The following ELP4 variants were observed in gnomAD, a reference collection of about 807,000 sequenced individuals.
ELP4 encodes the protein elongator acetyltransferase complex subunit 4.
Under a neutral mutation model 48.9 loss-of-function variants are expected in ELP4, and 51 were observed. The ratio of observed to expected loss-of-function variants is 1.04; its 90% CI spans 0.83 to 1.32. The LOEUF is 1.32. ELP4 is among the 40% of genes most tolerant of loss of function. ELP4 has a pLI of 0.00. For missense variants in ELP4, 519 were observed against 514.6 expected (o/e 1.01, Z -0.08); for synonymous variants, 210 against 189.2 (o/e 1.11, Z -0.90).
chr11:31,550,082 A>G (rs924392425), intron 3 of ELP4, among the ~76,000 whole-genome samples: 2 of 152,124 alleles, frequency 1.3e-5, no homozygotes, highest in African/African-American at 4.8e-5. Flanking sequence ...ACATGTATAC[A>G]TATGTAACCT....
intron 5 of ELP4, among the ~76,000 whole-genome samples, chr11:31,621,232 T>G (rs1944614343): frequency 6.6e-6 from 1 of 151,956 alleles, no homozygotes; most frequent in South Asian, 2.1e-4. Context: ...CAAATCATAC[T>G]TTCTCATTTA....
At chr11:31,561,206 C>A (rs1206523181) in intron 3 of ELP4, among the ~76,000 whole-genome samples, 3 of 152,114 alleles carry the variant, frequency 2.0e-5, no homozygotes, top group Non-Finnish European at 4.4e-5. Flanking sequence ...AGGTTATTAT[C>A]TTATATTAAC....
At chr11:31,744,286 G>A (rs1947526751) in intron 9 of ELP4, among the ~76,000 whole-genome samples, 1 of 152,162 alleles carries the variant, frequency 6.6e-6, no homozygotes, top group East Asian at 1.9e-4. Flanking sequence ...GGATCAGATG[G>A]ATTCACAGCC....
intron 9 of ELP4, among the ~76,000 whole-genome samples, chr11:31,659,725 C>T (rs933275371): frequency 1.3e-5 from 2 of 152,214 alleles, no homozygotes; most frequent in Admixed American, 1.3e-4. Context: ...CAGTGGCTCA[C>T]ACCTGTAATC....
intron 9 of ELP4, among the ~76,000 whole-genome samples, chr11:31,748,418 T>A (rs183423057): frequency 4.6e-5 from 7 of 152,172 alleles, no homozygotes; most frequent in African/African-American, 1.7e-4. Flanking sequence ...CTAATTTTTG[T>A]ATTTTTAGTA....
At chr11:31,620,119 G>C (rs1443820851) in intron 5 of ELP4, among the ~76,000 whole-genome samples, 2 of 151,996 alleles carry the variant, frequency 1.3e-5, no homozygotes, top group Non-Finnish European at 2.9e-5. Flanking sequence ...GTGAGGATAT[G>C]TATAGTGGGA....
intron 3 of ELP4, among the ~76,000 whole-genome samples, chr11:31,585,788 G>C (rs1473162494): frequency 4.6e-5 from 7 of 152,170 alleles, no homozygotes; most frequent in Non-Finnish European, 1.5e-5. Context: ...AGTTAGAGAA[G>C]AGATTAAAAC....
intron 9 of ELP4, among the ~76,000 whole-genome samples, chr11:31,682,657 T>C (rs552022757): frequency 6.6e-6 from 1 of 152,290 alleles, no homozygotes; most frequent in African/African-American, 2.4e-5. Context: ...TATACAAATA[T>C]GTATTAACAC....
intron 9 of ELP4, among the ~76,000 whole-genome samples, chr11:31,772,431 C>CT (rs200118102): frequency 5.9e-5 from 9 of 152,040 alleles, no homozygotes; most frequent in Non-Finnish European, 1.0e-4. Context: ...AAATTATCTT[C>CT]TTTTTTTTGT....
At position 31,783,649 on chromosome 11, in the gene ELP4, A is replaced by C; in HGVS notation, c.*125A>C. 2.3e-6 allele frequency: 2 copies of C among 871,222 alleles called. No individual in the cohort carries two copies. Among genetic ancestry groups the C allele is most frequent in the Non-Finnish European group, 3.3e-6 (2 of 607,764 alleles). The allele number at this position is 871,222 out of a possible 1,614,324, so 54.0% of individuals were successfully genotyped here. On this transcript the variant is annotated 3_prime_UTR_variant, in exon 10 of 10. Coordinates refer to ENST00000640961, the MANE Select transcript of ELP4 (RefSeq NM_019040.5). ...TCCTTGAAAAACACAGGATTATAAAATGGTGCCGCCATTTCTCATTTTTTA... is the reference window on the plus strand; with the variant it reads ...TCCTTGAAAAACACAGGATTATAAACTGGTGCCGCCATTTCTCATTTTTTA...
At position 31,790,105 on chromosome 11, in the gene ELP4, A is replaced by AC. The variant is rs1949325118; in HGVS notation, c.*6581_*6582insC. On this transcript the variant is annotated 3_prime_UTR_variant, in exon 10 of 10. Coordinates refer to ENST00000640961, the MANE Select transcript of ELP4 (RefSeq NM_019040.5). The stretch of plus-strand genomic sequence containing the variant: ...ACAAATTTATAGGTTTACAAAAAAA[A>AC]AAAAAAAAAAAAAAACTAATACTTT... 1.3e-6 allele frequency: 1 copy of AC among 778,728 alleles called. No individual in the cohort carries two copies. The highest frequency in any genetic ancestry group is 1.8e-5 in the African/African-American group (1 of 54,564). 48.2% of individuals were successfully genotyped at this position (778,728 alleles called of 1,614,324 possible).
intron 8 of ELP4, chr11:31,649,478 G>C (rs1945275594): frequency 6.6e-6 from 1 of 151,654 alleles, no homozygotes; most frequent in Admixed American, 6.6e-5. Context: ...CTACTGACAA[G>C]AGGCCAAAGC....
intron 9 of ELP4, among the ~76,000 whole-genome samples, chr11:31,766,006 GA>G (rs1948032074): frequency 6.6e-6 from 1 of 151,858 alleles, no homozygotes. Context: ...GAATAAATAT[GA>G]AAAGCACATA....
chr11:31,645,944 A>G (rs979104169), intron 7 of ELP4: 2 of 149,832 alleles, frequency 1.3e-5, no homozygotes, highest in Admixed American at 6.7e-5. Flanking sequence ...CTCATTGTGA[A>G]CTGTATCCCA....
intron 7 of ELP4, 113 bp from the exon 8 acceptor site, chr11:31,647,628 G>C: frequency 1.5e-6 from 1 of 651,986 alleles, no homozygotes; most frequent in Non-Finnish European, 2.7e-6. Flanking sequence ...TTATTTCACT[G>C]TTGATAGTCT....
chr11:31,781,837 T>C (rs147379900), intron 9 of ELP4, among the ~76,000 whole-genome samples: 1 of 152,288 alleles, frequency 6.6e-6, no homozygotes, highest in Non-Finnish European at 1.5e-5. Context: ...GCCTGAAATC[T>C]TTCCTGGAAC....
chr11:31,674,937 T>A (rs534557863), intron 9 of ELP4, among the ~76,000 whole-genome samples: 2 of 152,244 alleles, frequency 1.3e-5, no homozygotes, highest in African/African-American at 4.8e-5. Flanking sequence ...TTCTAGTACC[T>A]AGTTAAAAAA....
At chr11:31,736,101 C>G (rs897700448) in intron 9 of ELP4, among the ~76,000 whole-genome samples, 6 of 152,184 alleles carry the variant, frequency 3.9e-5, no homozygotes, top group African/African-American at 1.4e-4. Context: ...GTAACCAAAA[C>G]AGCATGGTAC....
At chr11:31,546,495 G>C (rs1401189091) in intron 3 of ELP4, among the ~76,000 whole-genome samples, 1 of 152,158 alleles carries the variant, frequency 6.6e-6, no homozygotes, top group Non-Finnish European at 1.5e-5. Flanking sequence ...CAAGTCCTTA[G>C]TGACCTACAA....
Sources: allele counts gnomAD v4.1 joint callset (sites outside exome capture counted in the v4.1 genomes callset), GRCh38; gene constraint gnomAD v4.1.1; transcripts MANE v1.5; gene names NCBI Gene and HGNC (gene_info 2026-07-23, HGNC 2026-07-21).